NOVA2: variants seen among roughly 807,000 people sequenced by gnomAD.
NOVA2 encodes RNA-binding protein Nova-2.
Under a neutral mutation model 22.5 loss-of-function variants are expected in NOVA2, and 9 were observed. The observed-to-expected ratio is 0.40, with a 90% CI of 0.24 to 0.70. The LOEUF is 0.70. Ranked by LOEUF, NOVA2 falls within the 30% of genes least tolerant of loss-of-function variation. The probability of loss-of-function intolerance (pLI) is 0.38; values close to 1 mark genes in which losing one functional copy is unlikely to be tolerated. For missense variants in NOVA2, 383 were observed against 682.8 expected (o/e 0.56, Z 4.89); for synonymous variants, 318 against 335.2 (o/e 0.95, Z 0.56).
In NOVA2 at chr19:45,953,680, C is replaced by A. The variant is rs552382671; in HGVS notation, c.396+100G>T. On this transcript the variant is annotated intron_variant, in intron 3 of 3. Coordinates refer to ENST00000263257, the MANE Select transcript of NOVA2 (RefSeq NM_002516.4). ...CTTTGACTGATGAGATTTTTATCAG[C>A]TTTGTCCCATTGAACCTCACAGTAA... is the stretch of plus-strand genomic sequence containing the variant. The A allele has an allele frequency of 1.5e-5, 22 of 1,434,178 alleles. No individual in the cohort carries two copies. The African/African-American group carries it at 1.7e-4, about 11-fold the overall frequency. 88.8% of individuals were successfully genotyped at this position (1,434,178 alleles called of 1,614,324 possible).
intron 1 of NOVA2, among the ~76,000 whole-genome samples, chr19:45,968,326 G>A (rs1407150543): frequency 6.6e-6 from 1 of 152,020 alleles, no homozygotes; most frequent in Admixed American, 6.6e-5. Context: ...GAGAGGGTGT[G>A]GGGTGGGAGC....
At chr19:45,971,706 C>A (rs1419659027) in intron 1 of NOVA2, among the ~76,000 whole-genome samples, 1 of 152,122 alleles carries the variant, frequency 6.6e-6, no homozygotes, top group Non-Finnish European at 1.5e-5. Context: ...CTGAAGCCAT[C>A]CCTCTCCCAT....
In NOVA2 at chr19:45,973,702, G is replaced by T. The variant is rs1968267245; in HGVS notation, c.-351C>A. Among the ~76,000 whole-genome samples the T allele has an allele frequency of 6.7e-6, 1 of 148,576 alleles. No individual in the cohort carries two copies. The highest frequency in any genetic ancestry group is 2.5e-5 in the African/African-American group (1 of 40,270). On this transcript the variant is annotated 5_prime_UTR_variant, in exon 1 of 4. Transcript: ENST00000263257. ...GGGGGGCTGACAGAGCCTGGAGAGC[G>T]GCCGTGAGCAGGATGGCAGGGCCGA...
Position 45,938,887 on chromosome 19 carries a change from T to C in NOVA2, c.*976A>G, listed in dbSNP as rs1967697691. 3 of 152,198 alleles carry C rather than the reference T, an allele frequency of 2.0e-5. No individual in the cohort carries two copies. Among genetic ancestry groups the C allele is most frequent in the Admixed American group, 2.0e-4 (3 of 15,286 alleles). The allele number at this position is 152,198 out of a possible 1,614,324, so 9.4% of individuals were successfully genotyped here. A position where few individuals can be genotyped will look rare whatever the true frequency, so the allele number is the denominator to read the frequency against. On this transcript the variant is annotated 3_prime_UTR_variant, in exon 4 of 4. Transcript: ENST00000263257. ...CTCTAGGCATCACCGGAAGTACACC[T>C]TCCCATGATATCACCAAAGTGACCT...
At chr19:45,964,682 T>C (rs1968147312) in intron 1 of NOVA2, among the ~76,000 whole-genome samples, 1 of 151,826 alleles carries the variant, frequency 6.6e-6, no homozygotes, top group South Asian at 2.1e-4. Flanking sequence ...TGCCTCGGCC[T>C]CCCAAGTAGC....
intron 2 of NOVA2, among the ~76,000 whole-genome samples, chr19:45,957,032 T>C (rs1968015248): frequency 6.6e-6 from 1 of 152,206 alleles, no homozygotes; most frequent in Non-Finnish European, 1.5e-5. Flanking sequence ...ATTTTTGATA[T>C]TAAAAAGAAT....
intron 1 of NOVA2, among the ~76,000 whole-genome samples, chr19:45,971,148 T>C (rs1474621837): frequency 6.6e-6 from 1 of 152,096 alleles, no homozygotes; most frequent in Non-Finnish European, 1.5e-5. Flanking sequence ...CTCCCAGGGG[T>C]TGTACTGAGA....
rs929487358 is a variant in NOVA2 at position 45,937,867 on chromosome 19, A to G, written c.*1996T>C. 1.3e-5 allele frequency: 2 copies of G among 152,096 alleles called. No homozygotes were observed. The highest frequency in any genetic ancestry group is 2.9e-5 in the Non-Finnish European group (2 of 68,014). 9.4% of individuals were successfully genotyped at this position (152,096 alleles called of 1,614,324 possible). A position where few individuals can be genotyped will look rare whatever the true frequency, so the allele number is the denominator to read the frequency against. ...CATTTTGATTTGGGGGTGGCTCTCT[A>G]GCAAGGGAGAGGGATCTCCTAGGCT... is the stretch of plus-strand genomic sequence containing the variant. On this transcript the variant is annotated 3_prime_UTR_variant, in exon 4 of 4. Coordinates refer to ENST00000263257, the MANE Select transcript of NOVA2 (RefSeq NM_002516.4).
rs1354025791 is a variant in NOVA2 at position 45,934,139 on chromosome 19, G to C, written c.*5724C>G. 1.3e-5 allele frequency: 2 copies of C among 152,252 alleles called. No individual in the cohort carries two copies. Among genetic ancestry groups the C allele is most frequent in the Non-Finnish European group, 1.5e-5 (1 of 68,126 alleles). 9.4% of individuals were successfully genotyped at this position (152,252 alleles called of 1,614,324 possible). A position where few individuals can be genotyped will look rare whatever the true frequency, so the allele number is the denominator to read the frequency against. On this transcript the variant is annotated 3_prime_UTR_variant, in exon 4 of 4. Coordinates refer to ENST00000263257, the MANE Select transcript of NOVA2 (RefSeq NM_002516.4). ...CCTGGGCCTTTTAATCTAAGGACTG[G>C]GGAGAACCAAGGGACCTTAGAGGTC...
chr19:45,944,757 A>C (rs1967812470), intron 3 of NOVA2, among the ~76,000 whole-genome samples: 1 of 152,222 alleles, frequency 6.6e-6, no homozygotes, highest in African/African-American at 2.4e-5. Context: ...CCAAAAAGGT[A>C]GATTAGTGGT....
rs1420940574 is a variant in NOVA2, at chr19:45,953,879, A to C, written c.297T>G (p.Ile99Met). The C allele has an allele frequency of 6.2e-7, 1 of 1,614,206 alleles. No individual in the cohort carries two copies. Among genetic ancestry groups the C allele is most frequent in the Non-Finnish European group, 8.5e-7 (1 of 1,180,036 alleles). The part of the protein sequence containing the change: ...AEALNAVHSF[I>M]AEKVREIPQA... ...GTGGGATTTCTCGGACCTTCTCGGCAATAAAGCTGTGCACAGCATTCAAGG... is the reference window on the plus strand; with the variant it reads ...GTGGGATTTCTCGGACCTTCTCGGCCATAAAGCTGTGCACAGCATTCAAGG... Residue 99 changes from isoleucine (I) to methionine (M), a missense_variant, in exon 3 of 4, where the codon ATT (isoleucine) becomes ATG (methionine). By Grantham distance (10) the Ile-to-Met change is conservative (BLOSUM62 1). Transcript: ENST00000263257.
At chr19:45,971,952 T>G (rs1439874966) in intron 1 of NOVA2, among the ~76,000 whole-genome samples, 2 of 151,532 alleles carry the variant, frequency 1.3e-5, no homozygotes, top group East Asian at 2.0e-4. Context: ...GGAGAGCCCC[T>G]CTCTTCCCTC....
intron 1 of NOVA2, chr19:45,962,209 G>T (rs148902359): frequency 1.3e-5 from 2 of 154,238 alleles, no homozygotes; most frequent in African/African-American, 4.8e-5. Context: ...CGGTCTGACA[G>T]GTGGAAGCGG....
At chr19:45,950,003 G>GGTGCT (rs1488537737) in intron 3 of NOVA2, among the ~76,000 whole-genome samples, 3 of 151,202 alleles carry the variant, frequency 2.0e-5, no homozygotes, top group Non-Finnish European at 3.0e-5. Context: ...GGCTTCCCAA[G>GGTGCT]GTGCTGAGAT....
chr19:45,944,843 T>G (rs1349106835), intron 3 of NOVA2, among the ~76,000 whole-genome samples: 1 of 152,264 alleles, frequency 6.6e-6, no homozygotes. Flanking sequence ...ATAGATACTT[T>G]CTGGAATTAG....
In NOVA2 at chr19:45,961,001, G is replaced by A. The variant is rs756444734; in HGVS notation, c.229+9C>T. The A allele has an allele frequency of 1.2e-5, 19 of 1,568,942 alleles. No homozygotes were observed. In the East Asian group the frequency reaches 1.6e-4, roughly 14 times the overall value. ...GGGGCCTAGGGCAGAGACCTGGGCCGGGGCTCACCGGGGTAGAAGTCTTTG... is the reference window on the plus strand; with the variant it reads ...GGGGCCTAGGGCAGAGACCTGGGCCAGGGCTCACCGGGGTAGAAGTCTTTG... On this transcript the variant is annotated intron_variant, in intron 2 of 3. Transcript: ENST00000263257.
rs1568656572 is a variant in NOVA2, at chr19:45,934,327, G to GAGT, written c.*5535_*5536insACT. 2 of 152,262 alleles carry GAGT rather than the reference G, an allele frequency of 1.3e-5. No individual in the cohort carries two copies. The highest frequency in any genetic ancestry group is 4.8e-5 in the African/African-American group (2 of 41,418). 9.4% of individuals were successfully genotyped at this position (152,262 alleles called of 1,614,324 possible). A position where few individuals can be genotyped will look rare whatever the true frequency, so the allele number is the denominator to read the frequency against. ...GTCTCCAACAGAGAAAGGGGGAAGA[G>GAGT]AGGTTCTAGCTCCTCTGACTCCACC... On this transcript the variant is annotated 3_prime_UTR_variant, in exon 4 of 4. Transcript: ENST00000263257.
chr19:45,943,385 G>A (rs918084987), intron 3 of NOVA2, among the ~76,000 whole-genome samples: 7 of 150,692 alleles, frequency 4.6e-5, no homozygotes, highest in African/African-American at 1.5e-4. Flanking sequence ...ATGTCCTGTT[G>A]GACATTCATG....
intron 1 of NOVA2, among the ~76,000 whole-genome samples, chr19:45,966,927 A>C (rs1168614201): frequency 1.3e-5 from 2 of 152,170 alleles, no homozygotes; most frequent in African/African-American, 4.8e-5. Context: ...TAACAATTGG[A>C]GCTTGAAGGG....
Sources: allele counts gnomAD v4.1 joint callset (sites outside exome capture counted in the v4.1 genomes callset), GRCh38; gene constraint gnomAD v4.1.1; transcripts MANE v1.5; gene names NCBI Gene and HGNC (gene_info 2026-07-23, HGNC 2026-07-21).